The following SLC4A11 variants were observed in gnomAD, a reference collection of about 807,000 sequenced individuals.
The protein encoded by SLC4A11 is solute carrier family 4 member 11.
A neutral mutation model predicts 95.0 loss-of-function variants in SLC4A11; 74 were observed. That is an observed-to-expected ratio of 0.78 (90% CI 0.65 to 0.95). SLC4A11 has a LOEUF of 0.95. Ranked by LOEUF, SLC4A11 falls within the 40% of genes least tolerant of loss-of-function variation. The pLI, the probability that SLC4A11 is intolerant of heterozygous loss-of-function variation, is 0.00. For missense variants in SLC4A11, 1,081 were observed against 1,192.4 expected, an observed-to-expected ratio of 0.91 and a Z score of 1.38; for synonymous variants, 548 against 519.0, an observed-to-expected ratio of 1.06 and a Z score of -0.76.
intron 18 of SLC4A11, 22 bp downstream of exon 18, chr20:3,228,490 C>A (rs779429907): frequency 6.2e-7 from 1 of 1,612,966 alleles, no homozygotes; most frequent in Non-Finnish European, 8.5e-7. Context: ...CACGCCACTC[C>A]CTCGCAGGGC....
Position 3,233,657 on chromosome 20 carries a change from C to T in SLC4A11, c.606-20G>A, listed in dbSNP as rs199642801. On this transcript the variant is annotated intron_variant, in intron 6 of 19. Transcript: ENST00000642402. ...GTACAGCTGGCAGGGGCGGGGAGGACACAGTGCACAGTTGCACCCCAGGGA... is the reference window on the plus strand; with the variant it reads ...GTACAGCTGGCAGGGGCGGGGAGGATACAGTGCACAGTTGCACCCCAGGGA... 4.5e-4 allele frequency: 728 copies of T among 1,609,974 alleles called. No homozygotes were observed. Among genetic ancestry groups the T allele is most frequent in the Non-Finnish European group, 5.8e-4 (687 of 1,179,982 alleles).
chr20:3,237,861 G>C, intron 1 of SLC4A11: 1 of 1,551,832 alleles, frequency 6.4e-7, no homozygotes, highest in Non-Finnish European at 8.7e-7. Context: ...AGACGTTCCA[G>C]GGATGTCTTC....
Position 3,237,578 on chromosome 20 carries a change from G to A in SLC4A11, c.54C>T (p.Pro18=). Residue 18 remains proline (P), a synonymous_variant, in exon 2 of 20, where the codon CCC becomes CCT. Coordinates refer to ENST00000642402, the MANE Select transcript of SLC4A11 (RefSeq NM_001174089.2). Reference sequence around the variant, plus strand: ...CGAAGTATCCATTCTGCGACATGGTGGGAGAGTTTTCTGCAAGGGAAGCAG... The same window carrying A: ...CGAAGTATCCATTCTGCGACATGGTAGGAGAGTTTTCTGCAAGGGAAGCAG... ...VFHLQPCENS[P]TMSQNGYFED... 1 of 1,614,062 alleles carries A rather than the reference G, an allele frequency of 6.2e-7. No individual in the cohort carries two copies.
chr20:3,233,478 C>T, intron 7 of SLC4A11, 36 bp downstream of exon 7: 3 of 1,612,140 alleles, frequency 1.9e-6, no homozygotes, highest in Non-Finnish European at 1.7e-6. Context: ...ACCCGGGGCC[C>T]TCCTTCTTCC....
rs2067976877 is a variant in SLC4A11 at position 3,236,227 on chromosome 20, G to GTGCC, written c.88+1313_88+1316dup. Among the ~76,000 whole-genome samples, 3 of 152,150 alleles carry GTGCC rather than the reference G, an allele frequency of 2.0e-5. No individual in the cohort carries two copies. In the South Asian group the frequency reaches 6.2e-4, roughly 31 times the overall value. ...GGCCCCTTCTGGGTAGGAAGCCCTA[G>GTGCC]TGCCTCCTGCATCAAAGTCCCCAGG... On this transcript the variant is annotated intron_variant, in intron 2 of 19. Coordinates refer to ENST00000642402, the MANE Select transcript of SLC4A11 (RefSeq NM_001174089.2).
At position 3,231,577 on chromosome 20, in the gene SLC4A11, A is replaced by G. The variant is rs573322136; in HGVS notation, c.730-29T>C. 7 of 1,607,608 alleles carry G rather than the reference A, an allele frequency of 4.4e-6. No individual in the cohort carries two copies. Among genetic ancestry groups the G allele is most frequent in the South Asian group, 1.1e-5 (1 of 91,010 alleles). ...GGGGTGGAGGATGGGAGTCACCCCT[A>G]GAAACAGAGGAGGCCCTGCCCGGGC... On this transcript the variant is annotated intron_variant, in intron 7 of 19. Transcript: ENST00000642402. This position sits in a 1 kb window ranked among gnomAD's most constrained non-coding sequence, Gnocchi z 5.2.
chr20:3,238,254 T>C, intron 1 of SLC4A11: 1 of 1,272,684 alleles, frequency 7.9e-7, no homozygotes, highest in Non-Finnish European at 9.9e-7. Context: ...GCGCCCTCCC[T>C]GGGCCGGTCC....
intron 19 of SLC4A11, 38 bp downstream of exon 19, chr20:3,228,221 G>T: frequency 7.0e-7 from 1 of 1,428,564 alleles, no homozygotes. Context: ...TCCACACCTA[G>T]ACTGGGCCCC....
chr20:3,228,554 G>A lies in SLC4A11; in HGVS notation c.2346C>T (p.Gly782=), dbSNP rs1427113208. 1 of 1,613,226 alleles carries A rather than the reference G, an allele frequency of 6.2e-7. No individual in the cohort carries two copies. The highest frequency in any genetic ancestry group is 8.5e-7 in the Non-Finnish European group (1 of 1,179,956). Residue 782 remains glycine (G), a synonymous_variant, in exon 18 of 20, where the codon GGC becomes GGT. Transcript: ENST00000642402. The part of the protein sequence containing the change: ...FLYIALTSLD[G]NQLVQRVALL... ...GGGCCACGCGCTGGACGAGCTGGTT[G>A]CCATCGAGGGAGGTGAGCGCGATGT...
intron 1 of SLC4A11, chr20:3,238,141 G>C: frequency 6.9e-7 from 1 of 1,446,890 alleles, no homozygotes; most frequent in South Asian, 1.5e-5. Context: ...CTCCAGTCCT[G>C]GGACCGCGTC....
rs2067667378 is a variant in SLC4A11 at position 3,229,326 on chromosome 20, A to C, written c.1849+20T>G. On this transcript the variant is annotated intron_variant, in intron 15 of 19. Coordinates refer to ENST00000642402, the MANE Select transcript of SLC4A11 (RefSeq NM_001174089.2). ...CCTGGGGAGCTACCCCACGTCACCC[A>C]CCGCCCGGCCCCAACTCACTCTCGA... The C allele has an allele frequency of 1.9e-6, 3 of 1,612,910 alleles. No homozygotes were observed. The East Asian group carries it at 6.7e-5, about 36-fold the overall frequency.
rs765705738 is a variant in SLC4A11 at position 3,227,874 on chromosome 20, C to G, written c.2559-18G>C. ...GGATATAGCTGTGGGGAGGGAGGGACAGGAGGATGAGCCTGGGTCAGAGAG... is the reference window on the plus strand; with the variant it reads ...GGATATAGCTGTGGGGAGGGAGGGAGAGGAGGATGAGCCTGGGTCAGAGAG... On this transcript the variant is annotated intron_variant, in intron 19 of 19. Transcript: ENST00000642402. 4 of 1,610,944 alleles carry G rather than the reference C, an allele frequency of 2.5e-6. No individual in the cohort carries two copies. Among genetic ancestry groups the G allele is most frequent in the Non-Finnish European group, 1.7e-6 (2 of 1,178,974 alleles).
chr20:3,231,584 G>A lies in SLC4A11; in HGVS notation c.730-36C>T. 4.4e-6 allele frequency: 6 copies of A among 1,373,578 alleles called. No individual in the cohort carries two copies. In the South Asian group the frequency reaches 7.2e-5, roughly 16 times the overall value. 85.1% of individuals were successfully genotyped at this position (1,373,578 alleles called of 1,614,324 possible). A position where few individuals can be genotyped will look rare whatever the true frequency, so the allele number is the denominator to read the frequency against. ...AGGATGGGAGTCACCCCTAGAAACAGAGGAGGCCCTGCCCGGGCCGAGCAG... is the reference window on the plus strand; with the variant it reads ...AGGATGGGAGTCACCCCTAGAAACAAAGGAGGCCCTGCCCGGGCCGAGCAG... On this transcript the variant is annotated intron_variant, in intron 7 of 19. Coordinates refer to ENST00000642402, the MANE Select transcript of SLC4A11 (RefSeq NM_001174089.2). The surrounding 1 kb of genome is among the most constrained non-coding windows in gnomAD (Gnocchi z 5.2).
rs995031438 is a variant in SLC4A11, at chr20:3,231,875, C to G, written c.730-327G>C. On this transcript the variant is annotated intron_variant, in intron 7 of 19. Coordinates refer to ENST00000642402, the MANE Select transcript of SLC4A11 (RefSeq NM_001174089.2). The surrounding 1 kb of genome is among the most constrained non-coding windows in gnomAD (Gnocchi z 5.2). ...GTCTCACTATGTTGACCAGGCTGGT[C>G]TCAAACTCCTGGCCTCAAGCAATCC... Among the ~76,000 whole-genome samples the G allele has an allele frequency of 1.3e-5, 2 of 152,172 alleles. No individual in the cohort carries two copies. The highest frequency in any genetic ancestry group is 2.9e-5 in the Non-Finnish European group (2 of 68,034).
chr20:3,233,471 CG>C, intron 7 of SLC4A11, 42 bp downstream of exon 7: 3 of 1,611,158 alleles, frequency 1.9e-6, no homozygotes, highest in Non-Finnish European at 8.5e-7. Context: ...GCGGGTAACC[CG>C]GGGCCCTCCT....
At chr20:3,228,144 CAACCCG>C in intron 19 of SLC4A11, 109 bp downstream of exon 19, 5 of 718,208 alleles carry the variant, frequency 7.0e-6, no homozygotes, top group Non-Finnish European at 1.2e-5. Flanking sequence ...GCACCCACCC[CAACCCG>C]CCCATTCTCC....
intron 2 of SLC4A11, among the ~76,000 whole-genome samples, chr20:3,237,277 C>T (rs2068010449): frequency 6.6e-6 from 1 of 152,222 alleles, no homozygotes; most frequent in Admixed American, 6.5e-5. Flanking sequence ...GATAACAGGC[C>T]ATTGTCACAG....
At position 3,230,596 on chromosome 20, in the gene SLC4A11, G is replaced by T. The variant is rs200176301; in HGVS notation, c.1334C>A (p.Ala445Glu). Residue 445 changes from alanine (A) to glutamate (E), a missense_variant, in exon 12 of 20, where the codon GCA becomes GAA. Physicochemically the swap from Ala to Glu is moderately radical, Grantham distance 107. This residue lies in a region of SLC4A11 where 767 missense variants were observed against 858.0 expected (regional missense o/e 0.89). Coordinates refer to ENST00000642402, the MANE Select transcript of SLC4A11 (RefSeq NM_001174089.2). ...DYDLDFNSFY[A>E]WTGLWNSFFL... ...GAAACTATTCCACAGGCCCGTCCAT[G>T]CGTAGAAGGAGTTGAAGTCCAGGTC... is the stretch of plus-strand genomic sequence containing the variant. 1 of 1,613,744 alleles carries T rather than the reference G, an allele frequency of 6.2e-7. No homozygotes were observed. The highest frequency in any genetic ancestry group is 1.7e-5 in the Admixed American group (1 of 60,014).
intron 2 of SLC4A11, among the ~76,000 whole-genome samples, chr20:3,236,614 A>G (rs1338481473): frequency 7.4e-6 from 1 of 134,960 alleles, no homozygotes; most frequent in Non-Finnish European, 1.6e-5. Context: ...AAACAAAACA[A>G]AAGACGTCCT....
Sources: allele counts gnomAD v4.1 joint callset (sites outside exome capture counted in the v4.1 genomes callset), GRCh38; gene constraint gnomAD v4.1.1; regional missense constraint gnomAD v4.1.1; non-coding constraint Gnocchi (gnomAD v3.1); transcripts MANE v1.5; gene names NCBI Gene and HGNC (gene_info 2026-07-23, HGNC 2026-07-21).